Variants in PDE2A observed in about 807,000 individuals in gnomAD.
PDE2A encodes phosphodiesterase 2A.
In PDE2A, 53 loss-of-function variants were observed where a neutral mutation model predicts 133.6. The observed-to-expected ratio is 0.40, with a 90% CI of 0.32 to 0.50. The LOEUF (loss-of-function observed/expected upper bound fraction) is 0.50, where lower values mean the gene tolerates loss of function less well. Ranked by LOEUF, PDE2A falls within the 20% of genes least tolerant of loss-of-function variation. The probability of loss-of-function intolerance (pLI) is 0.73; values close to 1 mark genes in which losing one functional copy is unlikely to be tolerated. For missense variants in PDE2A, 796 were observed against 1,232.4 expected (o/e 0.65, Z 5.30); for synonymous variants, 491 against 490.2 (o/e 1.00, Z -0.02).
intron 1 of PDE2A, among the ~76,000 whole-genome samples, chr11:72,660,473 A>T (rs1229780396): frequency 1.3e-5 from 2 of 152,128 alleles, no homozygotes; most frequent in African/African-American, 4.8e-5. Flanking sequence ...CCTTGATCTC[A>T]TTAGCTTTCT....
At position 72,585,856 on chromosome 11, in the gene PDE2A, A is replaced by AT. The variant is rs565375070; in HGVS notation, c.1182+213_1182+214insA. Among the ~76,000 whole-genome samples the AT allele has an allele frequency of 4.1e-3, 622 of 152,320 alleles. 2 individuals carry two copies. Among genetic ancestry groups the AT allele is most frequent in the Non-Finnish European group, 7.3e-3 (495 of 68,030 alleles). On this transcript the variant is annotated intron_variant, in intron 14 of 30. Transcript: ENST00000334456. ...CTGCCTAGGTGTTGCTGTAGTGCCC[A>AT]AATTGAACACTAGAGGGCGATCACA...
intron 10 of PDE2A, 52 bp from the exon 11 acceptor site, chr11:72,589,844 C>G: frequency 6.2e-7 from 1 of 1,607,040 alleles, no homozygotes; most frequent in East Asian, 2.2e-5. Context: ...TGGATTTCCC[C>G]CTCGGAGACC....
At position 72,605,242 on chromosome 11, in the gene PDE2A, CT is replaced by C. The variant is rs1310799307; in HGVS notation, c.235-17del. Reference sequence around the variant, plus strand: ...AGACAGTTTCCTAGGACAGAAGGCACTTATGAGACCCTGTGGAGAGGCCCTC... The same window carrying C: ...AGACAGTTTCCTAGGACAGAAGGCACTATGAGACCCTGTGGAGAGGCCCTC... On this transcript the variant is annotated splice_polypyrimidine_tract_variant and intron_variant, in intron 3 of 30. Transcript: ENST00000334456. 4 of 1,562,584 alleles carry C rather than the reference CT, an allele frequency of 2.6e-6. No individual in the cohort carries two copies. The highest frequency in any genetic ancestry group is 3.5e-6 in the Non-Finnish European group (4 of 1,140,378).
intron 4 of PDE2A, among the ~76,000 whole-genome samples, chr11:72,601,459 GGGAT>G (rs1360573421): frequency 6.7e-6 from 1 of 149,726 alleles, no homozygotes; most frequent in Non-Finnish European, 1.5e-5. Flanking sequence ...ACAACCCCTA[GGGAT>G]GGTCAGATTC....
At chr11:72,609,942 A>G (rs1009929440) in intron 2 of PDE2A, among the ~76,000 whole-genome samples, 2 of 149,512 alleles carry the variant, frequency 1.3e-5, no homozygotes, top group Non-Finnish European at 3.0e-5. Context: ...TGCAGGCCAT[A>G]TTAATAGAGG....
chr11:72,626,758 G>A (rs1371971048), intron 2 of PDE2A, among the ~76,000 whole-genome samples: 2 of 152,164 alleles, frequency 1.3e-5, no homozygotes, highest in African/African-American at 4.8e-5. Context: ...CCCCGCAGCT[G>A]GGCCCACATA....
chr11:72,617,661 T>C (rs555035081), intron 2 of PDE2A, among the ~76,000 whole-genome samples: 1 of 152,062 alleles, frequency 6.6e-6, no homozygotes, highest in East Asian at 1.9e-4. Context: ...ACAGAACAAG[T>C]ACCAATTCAG....
intron 2 of PDE2A, among the ~76,000 whole-genome samples, chr11:72,636,373 TTAAG>T (rs1426680644): frequency 6.6e-6 from 1 of 152,270 alleles, no homozygotes; most frequent in African/African-American, 2.4e-5. Flanking sequence ...TTGAATTTTA[TTAAG>T]TATTACATTT....
chr11:72,582,352 T>A, intron 21 of PDE2A, 92 bp downstream of exon 21: 6 of 1,284,150 alleles, frequency 4.7e-6, no homozygotes, highest in Non-Finnish European at 6.6e-6. Flanking sequence ...TTGATGACTC[T>A]GTCTTCCCAG....
In PDE2A at chr11:72,660,175, C is replaced by T. The variant is rs531601200; in HGVS notation, c.71+13962G>A. On this transcript the variant is annotated intron_variant, in intron 1 of 30. Coordinates refer to ENST00000334456, the MANE Select transcript of PDE2A (RefSeq NM_002599.5). ...TTATGACCATATATATTTATCAAAA[C>T]TCATTATACACTTTAAATTGGTGAT... Among the ~76,000 whole-genome samples the T allele has an allele frequency of 2.2e-4, 33 of 152,318 alleles. No individual in the cohort carries two copies. The South Asian group carries it at 6.8e-3, about 32-fold the overall frequency.
intron 2 of PDE2A, among the ~76,000 whole-genome samples, chr11:72,630,170 G>A (rs541001304): frequency 3.2e-4 from 48 of 152,270 alleles, no homozygotes; most frequent in African/African-American, 1.1e-3. Context: ...CAGGAAATGC[G>A]CTGGCTGAGC....
intron 1 of PDE2A, among the ~76,000 whole-genome samples, chr11:72,663,808 A>T (rs1318662059): frequency 6.6e-6 from 1 of 151,818 alleles, no homozygotes; most frequent in African/African-American, 2.4e-5. Flanking sequence ...CTGGCTTCTG[A>T]CTCCAATTCT....
chr11:72,615,570 G>A (rs1591074548), intron 2 of PDE2A, among the ~76,000 whole-genome samples: 1 of 152,100 alleles, frequency 6.6e-6, no homozygotes, highest in Non-Finnish European at 1.5e-5. Context: ...AGATCAAGCG[G>A]GGCAGAGCCA....
intron 2 of PDE2A, among the ~76,000 whole-genome samples, chr11:72,616,860 C>T (rs748217298): frequency 1.3e-5 from 2 of 152,222 alleles, no homozygotes; most frequent in African/African-American, 2.4e-5. Flanking sequence ...CTCCAGGAAG[C>T]CTTCCTGCGT....
At chr11:72,609,185 G>A (rs2135362792) in intron 2 of PDE2A, among the ~76,000 whole-genome samples, 1 of 152,368 alleles carries the variant, frequency 6.6e-6, no homozygotes, top group East Asian at 1.9e-4. Flanking sequence ...CAGTCACTGA[G>A]CCTCAGTCTC....
At chr11:72,667,753 G>A (rs1386450054) in intron 1 of PDE2A, among the ~76,000 whole-genome samples, 1 of 151,962 alleles carries the variant, frequency 6.6e-6, no homozygotes, top group Non-Finnish European at 1.5e-5. Flanking sequence ...GCTCACACCT[G>A]TAATCCCAGC....
At chr11:72,624,045 G>A (rs1357895386) in intron 2 of PDE2A, among the ~76,000 whole-genome samples, 3 of 150,042 alleles carry the variant, frequency 2.0e-5, no homozygotes, top group African/African-American at 7.4e-5. Flanking sequence ...AGGCTGGAGT[G>A]CAATGGCTCA....
At position 72,597,970 on chromosome 11, in the gene PDE2A, G is replaced by A. The variant is rs1013822484; in HGVS notation, c.324-351C>T. Among the ~76,000 whole-genome samples, 1 of 152,176 alleles carries A rather than the reference G, an allele frequency of 6.6e-6. No homozygotes were observed. Among genetic ancestry groups the A allele is most frequent in the Non-Finnish European group, 1.5e-5 (1 of 68,034 alleles). ...CTTAGGCACATGACCTGACCTCTCTGATCTTCCCAAGGAGAACTAGGGTGG... is the reference window on the plus strand; with the variant it reads ...CTTAGGCACATGACCTGACCTCTCTAATCTTCCCAAGGAGAACTAGGGTGG... On this transcript the variant is annotated intron_variant, in intron 4 of 30. Transcript: ENST00000334456. This position sits in a 1 kb window ranked among gnomAD's most constrained non-coding sequence, Gnocchi z 4.6.
chr11:72,646,494 C>A (rs1859130853), intron 1 of PDE2A, among the ~76,000 whole-genome samples: 1 of 152,182 alleles, frequency 6.6e-6, no homozygotes, highest in Non-Finnish European at 1.5e-5. Context: ...GGCCTATAGA[C>A]TCCAAACCCA....
Sources: gnomAD v4.1 joint callset for allele counts (sites outside exome capture counted in the v4.1 genomes callset) on GRCh38, gnomAD v4.1.1 for gene constraint, Gnocchi (gnomAD v3.1) non-coding constraint, MANE v1.5 for transcripts, NCBI Gene and HGNC (gene_info 2026-07-23, HGNC 2026-07-21) for gene names.